The following NIBAN1 variants were observed in gnomAD, a reference collection of about 807,000 sequenced individuals.
NIBAN1 encodes the protein niban apoptosis regulator 1.
Under a neutral mutation model 75.1 loss-of-function variants are expected in NIBAN1, and 81 were observed. That is an observed-to-expected ratio of 1.08 (90% confidence interval 0.90 to 1.30). The LOEUF is 1.30. Ranked by LOEUF, NIBAN1 falls within the 50% of genes most tolerant of loss-of-function variation. The pLI, the probability that NIBAN1 is intolerant of heterozygous loss-of-function variation, is 0.00. For missense variants in NIBAN1, 1,133 were observed against 1,128.1 expected (o/e 1.00, Z -0.06); for synonymous variants, 436 against 424.8 (o/e 1.03, Z -0.32).
Position 184,864,988 on chromosome 1 carries a change from C to CAA in NIBAN1, c.601+19643_601+19644dup, listed in dbSNP as rs200197955. Among the ~76,000 whole-genome samples the CAA allele has an allele frequency of 6.8e-3, 417 of 61,254 alleles. 6 individuals are homozygous for CAA. In the East Asian group the frequency reaches 0.071, roughly 10 times the overall value. The allele number at this position is 61,254 out of a possible 152,430, so 40.2% of individuals were successfully genotyped here. ...TGAAACAATATAAAACTAAAGAGGTCAAAAAAAAAAAAAAAAAGAATGCTC... is the reference window on the plus strand; with the variant it reads ...TGAAACAATATAAAACTAAAGAGGTCAAAAAAAAAAAAAAAAAAAGAATGCTC... On this transcript the variant is annotated intron_variant, in intron 5 of 13. Transcript: ENST00000367511.
intron 8 of NIBAN1, among the ~76,000 whole-genome samples, chr1:184,822,673 A>G (rs1408982063): frequency 6.6e-6 from 1 of 152,216 alleles, no homozygotes; most frequent in East Asian, 1.9e-4. Flanking sequence ...TTGGGTTTGT[A>G]GGGTGACTGG....
intron 11 of NIBAN1, 67 bp from the exon 12 acceptor site, chr1:184,803,759 A>C: frequency 7.1e-7 from 1 of 1,407,934 alleles, no homozygotes; most frequent in Admixed American, 1.7e-5. Context: ...TACTCAAAAA[A>C]CTCAGCCACC....
chr1:184,855,584 C>A (rs920909180), intron 5 of NIBAN1, among the ~76,000 whole-genome samples: 1 of 152,110 alleles, frequency 6.6e-6, no homozygotes, highest in Admixed American at 6.6e-5. Context: ...TGACCTCTCC[C>A]CCTTCAACCC....
Position 184,974,500 on chromosome 1 carries a change from T to A in NIBAN1, c.-144A>T. 3 of 1,129,400 alleles carry A rather than the reference T, an allele frequency of 2.7e-6. No homozygotes were observed. The highest frequency in any genetic ancestry group is 3.7e-6 in the Non-Finnish European group (3 of 812,598). The allele number at this position is 1,129,400 out of a possible 1,614,324, so 70.0% of individuals were successfully genotyped here. On this transcript the variant is annotated 5_prime_UTR_variant, in exon 1 of 14. Transcript: ENST00000367511. ...GGCGAGAGACAGGAGGCAAGAGGCG[T>A]CGCCTTCTGGGGCGCCTCCTCCAGG... is the stretch of plus-strand genomic sequence containing the variant.
intron 5 of NIBAN1, among the ~76,000 whole-genome samples, chr1:184,834,808 T>C (rs1655094871): frequency 6.6e-6 from 1 of 152,228 alleles, no homozygotes; most frequent in Admixed American, 6.5e-5. Context: ...GTAGGTTGCC[T>C]GTTCACTCTG....
intron 4 of NIBAN1, chr1:184,887,764 T>C (rs1159027553): frequency 6.6e-6 from 1 of 152,248 alleles, no homozygotes; most frequent in Non-Finnish European, 1.5e-5. Flanking sequence ...TTGAGTTTTT[T>C]ATTGTATGCA....
At chr1:184,961,533 T>C (rs951091226) in intron 1 of NIBAN1, among the ~76,000 whole-genome samples, 53 of 152,214 alleles carry the variant, frequency 3.5e-4, no homozygotes, top group African/African-American at 1.2e-3. Flanking sequence ...GTGACACTTA[T>C]CAAAATCTGT....
chr1:184,899,357 C>A (rs767712524), intron 1 of NIBAN1, 48 bp from the exon 2 acceptor site: 2 of 1,593,324 alleles, frequency 1.3e-6, no homozygotes, highest in Admixed American at 3.4e-5. Context: ...ACAGAATATA[C>A]ACCTATCTAC....
intron 8 of NIBAN1, among the ~76,000 whole-genome samples, chr1:184,820,079 A>C (rs748372743): frequency 3.9e-5 from 6 of 152,142 alleles, no homozygotes; most frequent in Non-Finnish European, 8.8e-5. Context: ...TTAAGAAAAA[A>C]CCCTTTCAAT....
rs79533904 is a variant in NIBAN1, at chr1:184,833,069, C to T, written c.602-1107G>A. 5.2e-3 allele frequency among the ~76,000 whole-genome samples: 785 copies of T among 151,902 alleles called. 9 individuals are homozygous for T. The highest frequency in any genetic ancestry group is 0.039 in the East Asian group (201 of 5,160). Reference sequence around the variant, plus strand: ...CCTATAAGGCACAAAGCTCTCCTGCCAATAGCACATTTATAGGGCAACATT... The same window carrying T: ...CCTATAAGGCACAAAGCTCTCCTGCTAATAGCACATTTATAGGGCAACATT... On this transcript the variant is annotated intron_variant, in intron 5 of 13. Transcript: ENST00000367511.
Position 184,797,137 on chromosome 1 carries a change from CTT to C in NIBAN1, c.1666+940_1666+941del, listed in dbSNP as rs56272970. On this transcript the variant is annotated intron_variant, in intron 13 of 13. Coordinates refer to ENST00000367511, the MANE Select transcript of NIBAN1 (RefSeq NM_052966.4). ...ACAGTTTGATGGTGGCCTTCTCCAG[CTT>C]TTTTTTTTTTTTTTTTTTGAGACCG... 3.8e-3 allele frequency among the ~76,000 whole-genome samples: 501 copies of C among 130,520 alleles called. 3 individuals are homozygous for C. Among genetic ancestry groups the C allele is most frequent in the Middle Eastern group, 0.012 (3 of 248 alleles). 85.6% of individuals were successfully genotyped at this position (130,520 alleles called of 152,430 possible).
intron 1 of NIBAN1, among the ~76,000 whole-genome samples, chr1:184,936,871 T>C (rs1376368859): frequency 1.3e-5 from 2 of 152,178 alleles, no homozygotes; most frequent in South Asian, 2.1e-4. Context: ...CCTGACATCT[T>C]TGGGGAGCAT....
At chr1:184,972,889 T>G (rs1388779178) in intron 1 of NIBAN1, among the ~76,000 whole-genome samples, 2 of 152,202 alleles carry the variant, frequency 1.3e-5, no homozygotes, top group African/African-American at 2.4e-5. Context: ...TGCGTCCACA[T>G]TAGGTGCTCC....
intron 9 of NIBAN1, among the ~76,000 whole-genome samples, chr1:184,816,366 T>C (rs544372591): frequency 6.6e-6 from 1 of 152,312 alleles, no homozygotes; most frequent in East Asian, 1.9e-4. Flanking sequence ...CCATGAGGAC[T>C]CCATAACCTA....
At chr1:184,877,755 T>C (rs1656269517) in intron 5 of NIBAN1, among the ~76,000 whole-genome samples, 1 of 152,196 alleles carries the variant, frequency 6.6e-6, no homozygotes, top group Admixed American at 6.5e-5. Flanking sequence ...CTAATAAGTA[T>C]GTTTCAATTG....
chr1:184,942,436 G>T (rs544796979), intron 1 of NIBAN1, among the ~76,000 whole-genome samples: 12 of 152,252 alleles, frequency 7.9e-5, no homozygotes, highest in Non-Finnish European at 1.3e-4. Flanking sequence ...GCTCACGCCT[G>T]TAATCCCAGC....
At chr1:184,935,522 C>T (rs1657932369) in intron 1 of NIBAN1, among the ~76,000 whole-genome samples, 1 of 151,866 alleles carries the variant, frequency 6.6e-6, no homozygotes, top group Non-Finnish European at 1.5e-5. Context: ...ATAATAAGAT[C>T]CAGCAAATAA....
At chr1:184,881,727 A>G (rs1656384232) in intron 5 of NIBAN1, among the ~76,000 whole-genome samples, 1 of 152,150 alleles carries the variant, frequency 6.6e-6, no homozygotes, top group Admixed American at 6.5e-5. Flanking sequence ...TAGACCATGT[A>G]GGGTAACTTC....
rs192891135 is a variant in NIBAN1 at position 184,801,013 on chromosome 1, A to T, written c.1554+2572T>A. On this transcript the variant is annotated intron_variant, in intron 12 of 13. Coordinates refer to ENST00000367511, the MANE Select transcript of NIBAN1 (RefSeq NM_052966.4). ...AGGGTTTCCAAATGGCTTGCCTTTT[A>T]TCGGCATGAGGACAGGGCAGGGATC... Among the ~76,000 whole-genome samples the T allele has an allele frequency of 7.6e-3, 1,150 of 152,298 alleles. 7 individuals are homozygous for T. The highest frequency in any genetic ancestry group is 0.01 in the Non-Finnish European group (712 of 68,026).
Sources: gnomAD v4.1 joint callset for allele counts (sites outside exome capture counted in the v4.1 genomes callset) on GRCh38, gnomAD v4.1.1 for gene constraint, MANE v1.5 for transcripts, NCBI Gene and HGNC (gene_info 2026-07-23, HGNC 2026-07-21) for gene names.